The following MLLT10 variants were observed in gnomAD, a reference collection of about 807,000 sequenced individuals.
MLLT10 encodes MLLT10 histone lysine methyltransferase DOT1L cofactor.
MLLT10 carries 30 observed loss-of-function variants against 129.1 expected under a neutral mutation model. That is an observed-to-expected ratio of 0.23 (90% CI 0.17 to 0.32). The LOEUF (loss-of-function observed/expected upper bound fraction) is 0.32, where lower values mean the gene tolerates loss of function less well. MLLT10 is among the 10% of genes least tolerant of loss of function. MLLT10 has a pLI of 1.00. For missense variants in MLLT10, 1,119 were observed against 1,268.3 expected (o/e 0.88, Z 1.79); for synonymous variants, 490 against 446.4 (o/e 1.10, Z -1.23).
chr10:21,575,949 T>C (rs1280390802), intron 3 of MLLT10, among the ~76,000 whole-genome samples: 5 of 152,072 alleles, frequency 3.3e-5, no homozygotes, highest in Non-Finnish European at 5.9e-5. Flanking sequence ...TTTTATGAGA[T>C]GAGGTTTTAC....
chr10:21,664,944 C>CTTTTTTTTTTTTTTTT (rs146373535), intron 9 of MLLT10, among the ~76,000 whole-genome samples: 7 of 119,400 alleles, frequency 5.9e-5, no homozygotes, highest in East Asian at 2.4e-4. Flanking sequence ...TTTTTCTTTT[C>CTTTTTTTTTTTTTTTT]TTTTTTTTTT....
Position 21,734,064 on chromosome 10 carries a change from C to T in MLLT10, c.2793C>T (p.Thr931=), listed in dbSNP as rs780931075. ...QTPVTMSQNP[T]PLTHTTVPPN... ...CTGTCACAATGTCCCAGAACCCTAC[C>T]CCTCTCACCCACACAACCGTACCAC... The change falls in exon 20 of 23, where the codon ACC becomes ACT. Residue 931 remains threonine (T), a synonymous_variant. Transcript: ENST00000307729. The T allele has an allele frequency of 1.7e-5, 27 of 1,613,932 alleles. No homozygotes were observed. Among genetic ancestry groups the T allele is most frequent in the Non-Finnish European group, 7.6e-6 (9 of 1,179,982 alleles).
intron 3 of MLLT10, among the ~76,000 whole-genome samples, chr10:21,575,995 T>C (rs2040696400): frequency 6.6e-6 from 1 of 152,070 alleles, no homozygotes; most frequent in Non-Finnish European, 1.5e-5. Flanking sequence ...GGTGTGATCT[T>C]GGCTCACTGC....
intron 8 of MLLT10, among the ~76,000 whole-genome samples, chr10:21,620,330 T>TA (rs2131223566): frequency 6.6e-6 from 1 of 152,294 alleles, no homozygotes; most frequent in African/African-American, 2.4e-5. Context: ...AGTCAGACAT[T>TA]AGTATTTTTA....
intron 8 of MLLT10, among the ~76,000 whole-genome samples, chr10:21,620,790 A>G (rs968007539): frequency 1.3e-5 from 2 of 151,300 alleles, no homozygotes; most frequent in African/African-American, 4.9e-5. Context: ...TCCCAGGTTC[A>G]AGCGATTCTT....
At chr10:21,560,324 A>T (rs2038644859) in intron 3 of MLLT10, among the ~76,000 whole-genome samples, 1 of 152,188 alleles carries the variant, frequency 6.6e-6, no homozygotes, top group Non-Finnish European at 1.5e-5. Context: ...GGAACTGCCA[A>T]AATGTTTTTC....
At chr10:21,634,714 G>A (rs2047303021) in intron 8 of MLLT10, among the ~76,000 whole-genome samples, 1 of 152,156 alleles carries the variant, frequency 6.6e-6, no homozygotes, top group African/African-American at 2.4e-5. Context: ...AACTTCATCT[G>A]TCCATCCAAA....
intron 13 of MLLT10, among the ~76,000 whole-genome samples, chr10:21,697,359 A>T (rs2054480197): frequency 6.6e-6 from 1 of 152,052 alleles, no homozygotes; most frequent in Non-Finnish European, 1.5e-5. Context: ...CCAACTACTC[A>T]GGAGGCCGAG....
intron 4 of MLLT10, among the ~76,000 whole-genome samples, chr10:21,593,593 CAT>C (rs2042714282): frequency 1.3e-5 from 2 of 151,686 alleles, no homozygotes; most frequent in African/African-American, 2.4e-5. Flanking sequence ...TCTTGTCTGT[CAT>C]GTGTTTGGTA....
intron 3 of MLLT10, among the ~76,000 whole-genome samples, chr10:21,582,920 G>C (rs142417468): frequency 6.6e-6 from 1 of 152,278 alleles, no homozygotes; most frequent in South Asian, 2.1e-4. Flanking sequence ...TGTAATCCTA[G>C]CACTTTAGGA....
rs541342729 is a variant in MLLT10, at chr10:21,549,343, C to T, written c.240+10431C>T. Among the ~76,000 whole-genome samples, 8 of 152,136 alleles carry T rather than the reference C, an allele frequency of 5.3e-5. No homozygotes were observed. The South Asian group carries it at 1.7e-3, about 32-fold the overall frequency. ...TTTCACTGTGTTTCGATCTCCTGACCTCGTCATCCGCCCGCCTTGGCCTCC... is the reference window on the plus strand; with the variant it reads ...TTTCACTGTGTTTCGATCTCCTGACTTCGTCATCCGCCCGCCTTGGCCTCC... On this transcript the variant is annotated intron_variant, in intron 3 of 22. Coordinates refer to ENST00000307729, the MANE Select transcript of MLLT10 (RefSeq NM_001195626.3).
chr10:21,738,588 A>C (rs2058573666), intron 21 of MLLT10: 3 of 1,229,290 alleles, frequency 2.4e-6, no homozygotes, highest in Non-Finnish European at 3.1e-6. Context: ...GCCTCCGCAC[A>C]GCTTCCGCTC....
intron 13 of MLLT10, among the ~76,000 whole-genome samples, chr10:21,696,837 C>T (rs1407329893): frequency 1.3e-5 from 2 of 152,064 alleles, no homozygotes; most frequent in African/African-American, 4.8e-5. Context: ...TGACTCCACT[C>T]TGTTGTCTTT....
intron 14 of MLLT10, among the ~76,000 whole-genome samples, chr10:21,717,813 C>T (rs1220649853): frequency 8.9e-5 from 12 of 135,256 alleles, no homozygotes; most frequent in Admixed American, 2.2e-4. Context: ...TTCTTCTTCT[C>T]CTTCTTCTCC....
At chr10:21,629,473 G>A (rs994480893) in intron 8 of MLLT10, among the ~76,000 whole-genome samples, 14 of 152,056 alleles carry the variant, frequency 9.2e-5, no homozygotes, top group Non-Finnish European at 1.6e-4. Context: ...TTGGGGGCAT[G>A]GAGGCTTTCT....
intron 9 of MLLT10, 133 bp downstream of exon 9, chr10:21,651,901 T>TTA: frequency 1.7e-5 from 7 of 423,430 alleles, no homozygotes; most frequent in Non-Finnish European, 2.1e-5. Context: ...GAATTCTCAT[T>TTA]TCTTTTTTTT....
chr10:21,731,551 C>A (rs183144699), intron 17 of MLLT10, among the ~76,000 whole-genome samples: 1 of 152,030 alleles, frequency 6.6e-6, no homozygotes, highest in South Asian at 2.1e-4. Context: ...AACTTGCTCA[C>A]CTCTGGAAAA....
chr10:21,575,743 G>A (rs1314575405), intron 3 of MLLT10, among the ~76,000 whole-genome samples: 2 of 152,098 alleles, frequency 1.3e-5, no homozygotes, highest in African/African-American at 2.4e-5. Flanking sequence ...ATCTTACCAC[G>A]TTTGGGGCAC....
Position 21,560,051 on chromosome 10 carries a change from G to A in MLLT10, c.240+21139G>A, listed in dbSNP as rs542597933. On this transcript the variant is annotated intron_variant, in intron 3 of 22. Coordinates refer to ENST00000307729, the MANE Select transcript of MLLT10 (RefSeq NM_001195626.3). Reference sequence around the variant, plus strand: ...ACGGAGTTTCACTCTTGTTGCCCACGCTGGAGTGCAATGGTGTGATCTTGG... The same window carrying A: ...ACGGAGTTTCACTCTTGTTGCCCACACTGGAGTGCAATGGTGTGATCTTGG... Among the ~76,000 whole-genome samples the A allele has an allele frequency of 2.0e-5, 3 of 152,014 alleles. No individual in the cohort carries two copies. In the South Asian group the frequency reaches 6.2e-4, roughly 32 times the overall value.
Sources: allele counts gnomAD v4.1 joint callset (sites outside exome capture counted in the v4.1 genomes callset), GRCh38; gene constraint gnomAD v4.1.1; transcripts MANE v1.5; gene names NCBI Gene and HGNC (gene_info 2026-07-23, HGNC 2026-07-21).